BEGAIN: variants seen among roughly 807,000 people sequenced by gnomAD.
BEGAIN encodes brain enriched guanylate kinase associated, also known as brain-enriched guanylate kinase-associated protein.
BEGAIN carries 19 observed loss-of-function variants against 35.8 expected under a neutral mutation model. The observed-to-expected ratio is 0.53, with a 90% CI of 0.37 to 0.78. The LOEUF is 0.78. BEGAIN is among the 30% of genes least tolerant of loss of function. The pLI is 0.00. For synonymous variants in BEGAIN, 462 were observed against 388.6 expected, an observed-to-expected ratio of 1.19 and a Z score of -2.22; for missense variants, 795 against 853.6, an observed-to-expected ratio of 0.93 and a Z score of 0.85.
intron 1 of BEGAIN, chr14:100,578,092 G>C (rs146236157): frequency 2.5e-6 from 1 of 397,632 alleles, no homozygotes; most frequent in East Asian, 3.6e-5. Flanking sequence ...CCAGATGCCC[G>C]CCTGCCCATT....
intron 4 of BEGAIN, among the ~76,000 whole-genome samples, chr14:100,544,275 T>C (rs2032056482): frequency 6.6e-6 from 1 of 152,032 alleles, no homozygotes; most frequent in South Asian, 2.1e-4. Flanking sequence ...GTGCCTGGCA[T>C]AGAGCCCAGC....
intron 2 of BEGAIN, among the ~76,000 whole-genome samples, chr14:100,566,393 G>A (rs1003902235): frequency 2.0e-5 from 3 of 152,232 alleles, no homozygotes; most frequent in Admixed American, 1.3e-4. Context: ...AGCCTTGGCC[G>A]GGCACAGGGA....
intron 3 of BEGAIN, chr14:100,546,135 A>G (rs1210128186): frequency 5.7e-6 from 1 of 174,932 alleles, no homozygotes; most frequent in Non-Finnish European, 1.3e-5. Flanking sequence ...ATCAGGACCC[A>G]GGGAACCATG....
rs1005378111 is a variant in BEGAIN, at chr14:100,567,106, C to T, written c.71+805G>A. Among the ~76,000 whole-genome samples the T allele has an allele frequency of 6.6e-6, 1 of 152,172 alleles. No homozygotes were observed. The highest frequency in any genetic ancestry group is 6.5e-5 in the Admixed American group (1 of 15,288). On this transcript the variant is annotated intron_variant, in intron 2 of 6. Transcript: ENST00000554140. The surrounding 1 kb of genome is among the most constrained non-coding windows in gnomAD (Gnocchi z 5.1). Reference sequence around the variant, plus strand: ...ACCCTGTGGGCCAGGGGAGACAGTGCTGAAACCCAGCAGCCAGAGCTGGGC... The same window carrying T: ...ACCCTGTGGGCCAGGGGAGACAGTGTTGAAACCCAGCAGCCAGAGCTGGGC...
In BEGAIN at chr14:100,573,899, G is replaced by A. The variant is rs569183484; in HGVS notation, c.43-5960C>T. ...AGAGCCCGGGACTCTGCCACTGTTG[G>A]GGATCAGGAGGTGAGCAGGACCGGC... On this transcript the variant is annotated intron_variant, in intron 1 of 6. Coordinates refer to ENST00000554140, the MANE Select transcript of BEGAIN (RefSeq NM_001385089.1). The surrounding 1 kb of genome is among the most constrained non-coding windows in gnomAD (Gnocchi z 4.2). Among the ~76,000 whole-genome samples, 46 of 152,144 alleles carry A rather than the reference G, an allele frequency of 3.0e-4. No individual in the cohort carries two copies. The highest frequency in any genetic ancestry group is 1.1e-3 in the African/African-American group (46 of 41,478).
chr14:100,585,702 C>T (rs2035429610), intron 1 of BEGAIN, among the ~76,000 whole-genome samples: 1 of 151,972 alleles, frequency 6.6e-6, no homozygotes, highest in Non-Finnish European at 1.5e-5. Context: ...TGACAGGTGT[C>T]CCCCTACTCC....
chr14:100,566,519 C>T (rs112203900), intron 2 of BEGAIN, among the ~76,000 whole-genome samples: 19 of 152,304 alleles, frequency 1.2e-4, no homozygotes, highest in African/African-American at 3.8e-4. Flanking sequence ...TTTCCTCCCC[C>T]CCACAGGCGG....
intron 2 of BEGAIN, among the ~76,000 whole-genome samples, chr14:100,553,711 G>A (rs2033427669): frequency 6.6e-6 from 1 of 152,140 alleles, no homozygotes; most frequent in South Asian, 2.1e-4. Context: ...TCCCCCTGCT[G>A]AAGGTCCCTC....
chr14:100,585,415 CCCATCCATCCATCCATCCATCCAT>C lies in BEGAIN; in HGVS notation c.42+1810_42+1833del, dbSNP rs71113272. On this transcript the variant is annotated intron_variant, in intron 1 of 6. Transcript: ENST00000554140. ...CCCTCCCATCCATCCCTCCCTCCCT[CCCATCCATCCATCCATCCATCCAT>C]CCATCCATCCATCCATCCATTCATC... Among the ~76,000 whole-genome samples the C allele has an allele frequency of 4.0e-3, 267 of 66,048 alleles. 1 individual carries two copies. The highest frequency in any genetic ancestry group is 0.016 in the African/African-American group (260 of 15,928). The allele number at this position is 66,048 out of a possible 152,430, so 43.3% of individuals were successfully genotyped here. A position where few individuals can be genotyped will look rare whatever the true frequency, so the allele number is the denominator to read the frequency against.
rs2035131091 is a variant in BEGAIN, at chr14:100,573,342, A to G, written c.43-5403T>C. 6.6e-6 allele frequency among the ~76,000 whole-genome samples: 1 copy of G among 151,966 alleles called. No individual in the cohort carries two copies. Among genetic ancestry groups the G allele is most frequent in the East Asian group, 1.9e-4 (1 of 5,144 alleles). On this transcript the variant is annotated intron_variant, in intron 1 of 6. Transcript: ENST00000554140. The surrounding 1 kb of genome is among the most constrained non-coding windows in gnomAD (Gnocchi z 4.2). ...GGCGGGTGAGTCCTGGGAGGTCGCT[A>G]GAGGAGCAGCCCTGCGGCTGTGCCT...
chr14:100,539,117 C>G lies in BEGAIN; in HGVS notation c.691G>C (p.Gly231Arg), dbSNP rs371847040. 5.0e-6 allele frequency: 8 copies of G among 1,607,414 alleles called. No individual in the cohort carries two copies. Among genetic ancestry groups the G allele is most frequent in the Non-Finnish European group, 6.8e-6 (8 of 1,175,858 alleles). ...GGCCGCGGGCCTGGTTTCTCCACCCCGTCGCAGAAGGCCAGGTCGCGGGCG... is the reference window on the plus strand; with the variant it reads ...GGCCGCGGGCCTGGTTTCTCCACCCGGTCGCAGAAGGCCAGGTCGCGGGCG... ...ASARDLAFCD[G>R]VEKPGPRPPY... Residue 231 changes from glycine (G) to arginine (R), a missense_variant, in exon 7 of 7, where the codon GGG becomes CGG. Gly to Arg is a moderately radical substitution (Grantham distance 125). This residue lies in a region of BEGAIN where 664 missense variants were observed against 647.7 expected (regional missense o/e 1.03). Transcript: ENST00000554140.
chr14:100,566,707 G>T (rs1249519796), intron 2 of BEGAIN, among the ~76,000 whole-genome samples: 4 of 152,174 alleles, frequency 2.6e-5, no homozygotes, highest in African/African-American at 7.2e-5. Flanking sequence ...CTGGCTGATG[G>T]GTATCAGGTA....
Position 100,538,529 on chromosome 14 carries a change from G to A in BEGAIN, c.1279C>T (p.Arg427Trp). The A allele has an allele frequency of 4.6e-6, 7 of 1,518,004 alleles. No individual in the cohort carries two copies. Among genetic ancestry groups the A allele is most frequent in the East Asian group, 2.3e-5 (1 of 43,154 alleles). The allele number at this position is 1,518,004 out of a possible 1,614,324, so 94.0% of individuals were successfully genotyped here. Reference protein sequence around the residue: ...WSLRAKPGTARLPGEDMRGQW... With the variant: ...WSLRAKPGTAWLPGEDMRGQW... The stretch of plus-strand genomic sequence containing the variant: ...CCCCTCATGTCCTCCCCGGGGAGCC[G>A]GGCGGTCCCCGGCTTGGCCCGCAGG... The change falls in exon 7 of 7, where the codon CGG (arginine) becomes TGG (tryptophan). Residue 427 changes from arginine (R) to tryptophan (W), a missense_variant. Physicochemically the swap from Arg to Trp is moderately radical, Grantham distance 101. Around this residue, in one of 3 missense-constraint regions of BEGAIN, gnomAD observed 664 missense variants for 647.7 expected, o/e 1.03. Coordinates refer to ENST00000554140, the MANE Select transcript of BEGAIN (RefSeq NM_001385089.1).
chr14:100,565,688 G>A lies in BEGAIN; in HGVS notation c.71+2223C>T, dbSNP rs1375312514. 2.0e-5 allele frequency among the ~76,000 whole-genome samples: 3 copies of A among 152,162 alleles called. No individual in the cohort carries two copies. In the East Asian group the frequency reaches 5.8e-4, roughly 29 times the overall value. On this transcript the variant is annotated intron_variant, in intron 2 of 6. Transcript: ENST00000554140. ...GTGGACACTTCAGGACCCCTTCACT[G>A]TGACCACCGTGTGGTCTGAGGTTCC...
intron 3 of BEGAIN, 116 bp downstream of exon 3, chr14:100,546,380 CCCTCG>C (rs1468319281): frequency 3.1e-5 from 2 of 65,092 alleles, no homozygotes; most frequent in Non-Finnish European, 5.4e-5. Context: ...CCCGCCCCGG[CCCTCG>C]CCCCGCCCCG....
intron 2 of BEGAIN, 101 bp from the exon 3 acceptor site, chr14:100,546,763 G>A: frequency 1.3e-6 from 1 of 746,468 alleles, no homozygotes; most frequent in Non-Finnish European, 1.9e-6. Flanking sequence ...CGCGAGTACC[G>A]GCGCGCGCGC....
chr14:100,584,676 C>T (rs1276609472), intron 1 of BEGAIN, among the ~76,000 whole-genome samples: 1 of 152,198 alleles, frequency 6.6e-6, no homozygotes, highest in Non-Finnish European at 1.5e-5. Context: ...TGCCTGCTCT[C>T]AGGCCACAGA....
chr14:100,587,372 G>T lies in BEGAIN; in HGVS notation c.-82C>A, dbSNP rs1415281245. 1 of 146,008 alleles carries T rather than the reference G, an allele frequency of 6.8e-6. No individual in the cohort carries two copies. The highest frequency in any genetic ancestry group is 1.5e-5 in the Non-Finnish European group (1 of 65,416). The allele number at this position is 146,008 out of a possible 1,614,324, so 9.0% of individuals were successfully genotyped here. On this transcript the variant is annotated 5_prime_UTR_variant, in exon 1 of 7. Coordinates refer to ENST00000554140, the MANE Select transcript of BEGAIN (RefSeq NM_001385089.1). ...TCCGAGGCCGAGCGCGCCGGGAGCCGGCGCGGCCGGGGCTCCCCCACCCCG... is the reference window on the plus strand; with the variant it reads ...TCCGAGGCCGAGCGCGCCGGGAGCCTGCGCGGCCGGGGCTCCCCCACCCCG...
chr14:100,537,808 G>A lies in BEGAIN; in HGVS notation c.*161C>T, dbSNP rs1359380728. ...CGTGGTGTGGGGGACCCTCCCCTCA[G>A]GCCTACAGGGCTGGGGAGGAGAGGA... On this transcript the variant is annotated 3_prime_UTR_variant, in exon 7 of 7. Coordinates refer to ENST00000554140, the MANE Select transcript of BEGAIN (RefSeq NM_001385089.1). 2.7e-5 allele frequency: 31 copies of A among 1,145,588 alleles called. No homozygotes were observed. The highest frequency in any genetic ancestry group is 3.6e-5 in the Non-Finnish European group (31 of 850,072). The allele number at this position is 1,145,588 out of a possible 1,614,324, so 71.0% of individuals were successfully genotyped here. A position where few individuals can be genotyped will look rare whatever the true frequency, so the allele number is the denominator to read the frequency against.
Sources: gnomAD v4.1 joint callset for allele counts (sites outside exome capture counted in the v4.1 genomes callset) on GRCh38, gnomAD v4.1.1 for gene constraint, gnomAD v4.1.1 regional missense constraint, Gnocchi (gnomAD v3.1) non-coding constraint, MANE v1.5 for transcripts, NCBI Gene and HGNC (gene_info 2026-07-23, HGNC 2026-07-21) for gene names.